PTPRG: variants seen among roughly 807,000 people sequenced by gnomAD.
PTPRG encodes the protein protein tyrosine phosphatase receptor type G, also known as receptor-type tyrosine-protein phosphatase gamma.
PTPRG carries 102 observed loss-of-function variants against 165.3 expected under a neutral mutation model. The observed-to-expected ratio is 0.62, with a 90% CI of 0.53 to 0.73. PTPRG has a LOEUF of 0.73. Ranked by LOEUF, PTPRG falls within the 30% of genes least tolerant of loss-of-function variation. PTPRG has a pLI of 0.00. For missense variants in PTPRG, 1,866 were observed against 1,861.4 expected (o/e 1.00, Z -0.05); for synonymous variants, 675 against 669.5 (o/e 1.01, Z -0.13).
chr3:61,843,930 C>T (rs940140843), intron 2 of PTPRG, among the ~76,000 whole-genome samples: 1 of 149,858 alleles, frequency 6.7e-6, no homozygotes, highest in African/African-American at 2.5e-5. Context: ...ATGTTCATGT[C>T]ATTGATAGCT....
intron 16 of PTPRG, chr3:62,260,801 A>G (rs767237565): frequency 6.6e-5 from 10 of 152,216 alleles, no homozygotes; most frequent in Admixed American, 1.3e-4. Context: ...GCAAGGAATT[A>G]CAGATGACAT....
chr3:61,640,788 C>T (rs1021640895), intron 1 of PTPRG, among the ~76,000 whole-genome samples: 5 of 152,234 alleles, frequency 3.3e-5, no homozygotes, highest in South Asian at 2.1e-4. Context: ...GGATATTTCA[C>T]GTTTCTACTT....
intron 2 of PTPRG, among the ~76,000 whole-genome samples, chr3:61,775,749 A>G (rs983848801): frequency 2.6e-5 from 4 of 152,168 alleles, no homozygotes; most frequent in African/African-American, 9.7e-5. Flanking sequence ...ATGCAGCCAT[A>G]AAAAACCATG....
At chr3:62,232,948 G>A (rs1390320790) in intron 14 of PTPRG, among the ~76,000 whole-genome samples, 1 of 152,228 alleles carries the variant, frequency 6.6e-6, no homozygotes, top group Non-Finnish European at 1.5e-5. Flanking sequence ...CTGGCCCTGC[G>A]ACTAGGAAGG....
intron 4 of PTPRG, among the ~76,000 whole-genome samples, chr3:62,035,398 C>G (rs1461804872): frequency 6.6e-6 from 1 of 151,896 alleles, no homozygotes; most frequent in African/African-American, 2.4e-5. Context: ...TGTGAATAAT[C>G]TTCCGGGACA....
At chr3:62,117,747 G>T (rs562819544) in intron 5 of PTPRG, among the ~76,000 whole-genome samples, 2 of 152,246 alleles carry the variant, frequency 1.3e-5, no homozygotes, top group Admixed American at 6.5e-5. Context: ...AATTCACAGG[G>T]TTCGAGCATC....
intron 1 of PTPRG, among the ~76,000 whole-genome samples, chr3:61,661,736 T>A (rs1311464574): frequency 1.3e-5 from 2 of 152,168 alleles, no homozygotes; most frequent in Non-Finnish European, 2.9e-5. Flanking sequence ...TGTGTAGATA[T>A]TAGCATTCTT....
At chr3:62,168,785 G>A (rs1231577075) in intron 8 of PTPRG, among the ~76,000 whole-genome samples, 2 of 152,180 alleles carry the variant, frequency 1.3e-5, no homozygotes, top group Non-Finnish European at 2.9e-5. Flanking sequence ...GACAGCTTAA[G>A]TGTTAACCAG....
At position 62,281,660 on chromosome 3, in the gene PTPRG, C is replaced by T. The variant is rs769685847; in HGVS notation, c.3863C>T (p.Ser1288Phe). The T allele has an allele frequency of 6.2e-7, 1 of 1,609,688 alleles. No individual in the cohort carries two copies. Among genetic ancestry groups the T allele is most frequent in the Non-Finnish European group, 8.5e-7 (1 of 1,177,936 alleles). Residue 1288 changes from serine to phenylalanine, a missense_variant, in exon 27 of 30, where the codon TCT (serine) becomes TTT (phenylalanine). Coordinates refer to ENST00000474889, the MANE Select transcript of PTPRG (RefSeq NM_002841.4). ...ATCAGCAAAGACAGACTGTGCCTCTCTAATGAAGAACAAATTATCATCCAT... is the reference window on the plus strand; with the variant it reads ...ATCAGCAAAGACAGACTGTGCCTCTTTAATGAAGAACAAATTATCATCCAT... ...TLISKDRLCLSNEEQIIIHDF... is the reference protein window; with the variant it reads ...TLISKDRLCLFNEEQIIIHDF...
At chr3:61,571,286 AAT>A in intron 1 of PTPRG, among the ~76,000 whole-genome samples, 1 of 152,162 alleles carries the variant, frequency 6.6e-6, no homozygotes, top group Middle Eastern at 3.2e-3. Context: ...CGGTGACTGT[AAT>A]ATGTTTCTCT....
At chr3:62,024,994 G>C (rs2041774757) in intron 4 of PTPRG, among the ~76,000 whole-genome samples, 1 of 152,140 alleles carries the variant, frequency 6.6e-6, no homozygotes, top group African/African-American at 2.4e-5. Context: ...TTTCTTGTTT[G>C]TTGGCATAAA....
intron 2 of PTPRG, among the ~76,000 whole-genome samples, chr3:61,973,901 G>A (rs914899290): frequency 1.3e-5 from 2 of 152,048 alleles, no homozygotes; most frequent in African/African-American, 2.4e-5. Context: ...TCTCAGACAT[G>A]TAGGAGTCCA....
chr3:61,931,548 G>A (rs990930290), intron 2 of PTPRG, among the ~76,000 whole-genome samples: 1 of 152,152 alleles, frequency 6.6e-6, no homozygotes, highest in Admixed American at 6.5e-5. Context: ...TGTGTCCCGG[G>A]CCCAAATGGG....
At chr3:61,590,243 T>G (rs1575522372) in intron 1 of PTPRG, among the ~76,000 whole-genome samples, 2 of 147,880 alleles carry the variant, frequency 1.4e-5, no homozygotes, top group South Asian at 4.2e-4. Flanking sequence ...AAAAATAGGC[T>G]GGGTGCGGTG....
At chr3:62,088,359 G>A (rs1405841255) in intron 5 of PTPRG, among the ~76,000 whole-genome samples, 1 of 152,190 alleles carries the variant, frequency 6.6e-6, no homozygotes, top group Non-Finnish European at 1.5e-5. Context: ...TCTTCATCTC[G>A]GTAGAGGGGG....
chr3:62,178,657 C>T (rs2106767564), intron 8 of PTPRG, among the ~76,000 whole-genome samples: 1 of 152,312 alleles, frequency 6.6e-6, no homozygotes, highest in South Asian at 2.1e-4. Flanking sequence ...GCAGAATCGG[C>T]TGTTATGGCT....
At chr3:61,655,480 TATA>T (rs1702484583) in intron 1 of PTPRG, among the ~76,000 whole-genome samples, 1 of 152,206 alleles carries the variant, frequency 6.6e-6, no homozygotes, top group African/African-American at 2.4e-5. Context: ...AAATGAGTAT[TATA>T]ATTGACACAT....
At chr3:61,692,251 G>C (rs2030264505) in intron 1 of PTPRG, among the ~76,000 whole-genome samples, 1 of 152,230 alleles carries the variant, frequency 6.6e-6, no homozygotes, top group Non-Finnish European at 1.5e-5. Context: ...GGACAAACCA[G>C]AGTTCAAATC....
intron 5 of PTPRG, among the ~76,000 whole-genome samples, chr3:62,096,351 C>T (rs929626416): frequency 9.2e-5 from 14 of 152,106 alleles, no homozygotes; most frequent in African/African-American, 1.2e-4. Context: ...TATAGAAACA[C>T]TGTTATTGTT....
Sources: gnomAD v4.1 joint callset for allele counts (sites outside exome capture counted in the v4.1 genomes callset) on GRCh38, gnomAD v4.1.1 for gene constraint, MANE v1.5 for transcripts, NCBI Gene and HGNC (gene_info 2026-07-23, HGNC 2026-07-21) for gene names.